C9orf85: variants seen among roughly 807,000 people sequenced by gnomAD.
The protein encoded by C9orf85 is chromosome 9 open reading frame 85.
C9orf85 carries 16 observed loss-of-function variants against 14.9 expected under a neutral mutation model. The ratio of observed to expected loss-of-function variants is 1.08; its 90% confidence interval spans 0.73 to 1.63. The LOEUF (loss-of-function observed/expected upper bound fraction) is 1.63, where lower values mean the gene tolerates loss of function less well. C9orf85 is among the 40% of genes most tolerant of loss of function. The probability of loss-of-function intolerance (pLI) is 0.00; values close to 1 mark genes in which losing one functional copy is unlikely to be tolerated. For synonymous variants in C9orf85, 45 were observed against 56.8 expected (o/e 0.79, Z 0.93); for missense variants, 172 against 186.1 (o/e 0.92, Z 0.44).
intron 2 of C9orf85, among the ~76,000 whole-genome samples, chr9:71,957,184 T>TA (rs1285098607): frequency 6.6e-6 from 1 of 152,186 alleles, no homozygotes; most frequent in African/African-American, 2.4e-5. Context: ...ATCCAGTTGA[T>TA]AGATTATCAA....
downstream of C9orf85, chr9:71,986,022 T>C (rs1823206185): frequency 6.6e-6 from 1 of 152,230 alleles, no homozygotes; most frequent in Admixed American, 6.5e-5. Flanking sequence ...TTGTGATATA[T>C]ATTTACAATA....
At chr9:71,968,094 A>G (rs913637997) in intron 2 of C9orf85, among the ~76,000 whole-genome samples, 2 of 16,408 alleles carry the variant, frequency 1.2e-4, no homozygotes, top group Non-Finnish European at 2.9e-4. Context: ...CTGCATATAT[A>G]TATATATAGA....
intron 2 of C9orf85, among the ~76,000 whole-genome samples, chr9:71,950,586 G>A (rs1237396685): frequency 2.0e-5 from 3 of 152,134 alleles, no homozygotes; most frequent in Non-Finnish European, 2.9e-5. Context: ...TGGCCAGGCT[G>A]ATCTTGAACT....
At chr9:71,945,387 G>T (rs1040635294) in intron 1 of C9orf85, among the ~76,000 whole-genome samples, 4 of 152,192 alleles carry the variant, frequency 2.6e-5, no homozygotes, top group Non-Finnish European at 4.4e-5. Context: ...GTAAGCAGGG[G>T]ATATAGTAGC....
At chr9:71,953,968 C>T (rs1043612067) in intron 2 of C9orf85, among the ~76,000 whole-genome samples, 10 of 152,118 alleles carry the variant, frequency 6.6e-5, no homozygotes, top group East Asian at 1.9e-4. Flanking sequence ...GGCATGCTGA[C>T]GCGCACCTGT....
chr9:71,945,523 A>G, intron 1 of C9orf85, among the ~76,000 whole-genome samples: 1 of 152,362 alleles, frequency 6.6e-6, no homozygotes, highest in East Asian at 1.9e-4. Flanking sequence ...CCTGATGGTG[A>G]AGATTCCTTG....
intron 1 of C9orf85, among the ~76,000 whole-genome samples, chr9:71,921,626 G>A (rs1177584659): frequency 1.3e-5 from 2 of 152,154 alleles, no homozygotes; most frequent in Non-Finnish European, 2.9e-5. Context: ...CCCATCTTGG[G>A]TACTTGTTCC....
chr9:71,919,649 C>A (rs889927019), intron 1 of C9orf85, among the ~76,000 whole-genome samples: 2 of 152,042 alleles, frequency 1.3e-5, no homozygotes, highest in Non-Finnish European at 2.9e-5. Flanking sequence ...TAATATTATA[C>A]CTAATAGTGC....
intron 1 of C9orf85, among the ~76,000 whole-genome samples, chr9:71,926,483 G>A (rs747666352): frequency 2.6e-5 from 4 of 151,792 alleles, no homozygotes; most frequent in Non-Finnish European, 5.9e-5. Context: ...ACCATGAAAC[G>A]CATGCTAGAA....
intron 1 of C9orf85, among the ~76,000 whole-genome samples, chr9:71,925,645 G>A (rs550832870): frequency 6.6e-6 from 1 of 152,226 alleles, no homozygotes; most frequent in Non-Finnish European, 1.5e-5. Context: ...CGAAGAAAAG[G>A]AACATATAGC....
intron 1 of C9orf85, among the ~76,000 whole-genome samples, chr9:71,939,651 T>G (rs1159023311): frequency 1.3e-5 from 2 of 152,070 alleles, no homozygotes. Context: ...GGAATTAGAA[T>G]AGCCAAACAA....
chr9:71,949,456 C>G (rs550657098), intron 2 of C9orf85, among the ~76,000 whole-genome samples: 2 of 151,890 alleles, frequency 1.3e-5, no homozygotes, highest in African/African-American at 4.8e-5. Context: ...TGTTTTCTCG[C>G]GACAGAGCAA....
In C9orf85 at chr9:71,949,921, G is replaced by T. The variant is rs1822202655; in HGVS notation, c.209+2809G>T. On this transcript the variant is annotated intron_variant, in intron 2 of 3. Transcript: ENST00000334731. The stretch of plus-strand genomic sequence containing the variant: ...AAGGGTCTTATGGCCTACTTCAGGG[G>T]TGGATCAGAGAGTCCTTCCTACATT... 1.3e-5 allele frequency among the ~76,000 whole-genome samples: 2 copies of T among 152,122 alleles called. 1 individual carries two copies. The highest frequency in any genetic ancestry group is 4.8e-5 in the African/African-American group (2 of 41,406).
At chr9:71,961,822 G>A (rs929802467) in intron 2 of C9orf85, among the ~76,000 whole-genome samples, 2 of 152,104 alleles carry the variant, frequency 1.3e-5, no homozygotes, top group African/African-American at 4.8e-5. Flanking sequence ...CTGCCCTAAA[G>A]TATTGAATAA....
At chr9:71,925,028 T>C (rs1227027468) in intron 1 of C9orf85, among the ~76,000 whole-genome samples, 1 of 152,234 alleles carries the variant, frequency 6.6e-6, no homozygotes, top group Non-Finnish European at 1.5e-5. Flanking sequence ...GACTCTCATA[T>C]GATGATTCAA....
intron 1 of C9orf85, among the ~76,000 whole-genome samples, chr9:71,921,708 GACCTGTCTCAAATTCTTTTTGGTTT>G (rs1827811525): frequency 6.6e-6 from 1 of 152,134 alleles, no homozygotes. Flanking sequence ...AATTGATTGA[GACCTGTCTCAAATTCTTTTTGGTTT>G]ACAAATGAAG....
chr9:71,971,123 A>C (rs1822850960), intron 2 of C9orf85, among the ~76,000 whole-genome samples: 1 of 152,072 alleles, frequency 6.6e-6, no homozygotes, highest in Non-Finnish European at 1.5e-5. Context: ...AGTTTCTTTC[A>C]GTGATGTTTT....
rs146247813 is a variant in C9orf85, at chr9:71,970,098, C to T, written c.210-1407C>T. Among the ~76,000 whole-genome samples the T allele has an allele frequency of 3.6e-3, 542 of 152,216 alleles. 2 individuals carry two copies. Among genetic ancestry groups the T allele is most frequent in the African/African-American group, 0.011 (475 of 41,530 alleles). Reference sequence around the variant, plus strand: ...TAGCTGAGATTGCAGATGTGCTCCCCCATGCCCAGCTAATTTTTTTTGTAT... The same window carrying T: ...TAGCTGAGATTGCAGATGTGCTCCCTCATGCCCAGCTAATTTTTTTTGTAT... On this transcript the variant is annotated intron_variant, in intron 2 of 3. Coordinates refer to ENST00000334731, the MANE Select transcript of C9orf85 (RefSeq NM_182505.5).
chr9:71,913,647 G>A (rs1169470306), intron 1 of C9orf85, among the ~76,000 whole-genome samples: 2 of 152,180 alleles, frequency 1.3e-5, no homozygotes, highest in African/African-American at 4.8e-5. Context: ...ATAGATGTCT[G>A]CGTCTTGTGT....
Sources: allele counts gnomAD v4.1 joint callset (sites outside exome capture counted in the v4.1 genomes callset), GRCh38; gene constraint gnomAD v4.1.1; transcripts MANE v1.5; gene names NCBI Gene and HGNC (gene_info 2026-07-23, HGNC 2026-07-21).